Variants in KHDRBS3 observed in about 807,000 individuals in gnomAD.
KHDRBS3 encodes KH domain-containing, RNA-binding, signal transduction-associated protein 3.
KHDRBS3 carries 23 observed loss-of-function variants against 45.6 expected under a neutral mutation model. That is an observed-to-expected ratio of 0.50 (90% CI 0.36 to 0.72). The LOEUF (loss-of-function observed/expected upper bound fraction) is 0.72. Among genes scored for constraint, KHDRBS3 ranks in the 30% least tolerant of loss-of-function variants. The probability of loss-of-function intolerance (pLI) is 0.00; values close to 1 mark genes in which losing one functional copy is unlikely to be tolerated. For synonymous variants in KHDRBS3, 162 were observed against 156.5 expected (o/e 1.04, Z -0.26); for missense variants, 352 against 424.8 (o/e 0.83, Z 1.51).
At chr8:135,463,717 A>G (rs916296954) in intron 1 of KHDRBS3, among the ~76,000 whole-genome samples, 3 of 152,314 alleles carry the variant, frequency 2.0e-5, no homozygotes, top group African/African-American at 4.8e-5. Context: ...TCAGATGCCA[A>G]AGGGAAACTC....
Position 135,647,452 on chromosome 8 carries a change from A to G in KHDRBS3, c.*368A>G, listed in dbSNP as rs1193254963. The G allele has an allele frequency of 6.4e-6, 1 of 156,080 alleles. No individual in the cohort carries two copies. The highest frequency in any genetic ancestry group is 1.4e-5 in the Non-Finnish European group (1 of 70,496). The allele number at this position is 156,080 out of a possible 1,614,324, so 9.7% of individuals were successfully genotyped here. ...AATTTAGTTATTTTATCTTTCAGCC[A>G]TATGCTAGTTTTTTTTTCTCTTGCC... On this transcript the variant is annotated 3_prime_UTR_variant, in exon 9 of 9. Transcript: ENST00000355849.
At chr8:135,558,801 A>G (rs561175965) in intron 5 of KHDRBS3, among the ~76,000 whole-genome samples, 2 of 151,486 alleles carry the variant, frequency 1.3e-5, no homozygotes, top group African/African-American at 4.9e-5. Flanking sequence ...GCTGAAAATG[A>G]TAGAAATGTA....
chr8:135,505,942 A>AT (rs1823973292), intron 1 of KHDRBS3, among the ~76,000 whole-genome samples: 1 of 152,206 alleles, frequency 6.6e-6, no homozygotes, highest in African/African-American at 2.4e-5. Flanking sequence ...CACATTCCCG[A>AT]TTCGCAGAAC....
At chr8:135,650,364 C>T (rs904176534), downstream of KHDRBS3, among the ~76,000 whole-genome samples, 1 of 152,182 alleles carries the variant, frequency 6.6e-6, no homozygotes, top group Non-Finnish European at 1.5e-5. Context: ...CCTCCACCCT[C>T]TCTAAAGAGC....
chr8:135,625,236 G>A, intron 7 of KHDRBS3: 1 of 1,381,450 alleles, frequency 7.2e-7, no homozygotes, highest in Non-Finnish European at 1.0e-6. Flanking sequence ...ATGTCACAAA[G>A]CCTTCATCTG....
At chr8:135,626,708 G>T (rs978019817) in intron 7 of KHDRBS3, among the ~76,000 whole-genome samples, 1 of 150,948 alleles carries the variant, frequency 6.6e-6, no homozygotes, top group Non-Finnish European at 1.5e-5. Flanking sequence ...GGAGGCTGAG[G>T]CAGGAGAATG....
chr8:135,507,116 C>T (rs556815362), intron 1 of KHDRBS3, among the ~76,000 whole-genome samples: 3 of 152,214 alleles, frequency 2.0e-5, no homozygotes, highest in Non-Finnish European at 4.4e-5. Context: ...AGCTGGCAAC[C>T]GTAGTTCCTA....
intron 1 of KHDRBS3, among the ~76,000 whole-genome samples, chr8:135,461,250 G>T (rs1821415235): frequency 6.6e-6 from 1 of 152,144 alleles, no homozygotes; most frequent in Non-Finnish European, 1.5e-5. Flanking sequence ...GACTGCAGGT[G>T]TGCGCCACCA....
At chr8:135,607,727 TAAAAC>T in intron 7 of KHDRBS3, among the ~76,000 whole-genome samples, 1 of 152,162 alleles carries the variant, frequency 6.6e-6, no homozygotes, top group East Asian at 1.9e-4. Flanking sequence ...GATATACACA[TAAAAC>T]AAAATATTGG....
intron 7 of KHDRBS3, among the ~76,000 whole-genome samples, chr8:135,626,947 T>C (rs1181041138): frequency 1.3e-5 from 2 of 152,142 alleles, no homozygotes; most frequent in African/African-American, 4.8e-5. Context: ...TCTGCAACCT[T>C]TTAAGCAACT....
At chr8:135,515,259 G>A (rs1258600411) in intron 1 of KHDRBS3, among the ~76,000 whole-genome samples, 7 of 151,178 alleles carry the variant, frequency 4.6e-5, no homozygotes. Flanking sequence ...CCAGCTACTG[G>A]GGAGGCTGAG....
At chr8:135,563,132 T>G (rs1827244856) in intron 5 of KHDRBS3, among the ~76,000 whole-genome samples, 1 of 152,184 alleles carries the variant, frequency 6.6e-6, no homozygotes, top group African/African-American at 2.4e-5. Flanking sequence ...CTTAAAATCC[T>G]TCAGTGGCTC....
intron 1 of KHDRBS3, among the ~76,000 whole-genome samples, chr8:135,494,150 G>A (rs1227973665): frequency 6.6e-6 from 1 of 151,556 alleles, no homozygotes; most frequent in South Asian, 2.1e-4. Flanking sequence ...TCTGGCCAGA[G>A]GCTTATGAAT....
At chr8:135,639,176 G>T (rs562291065) in intron 7 of KHDRBS3, among the ~76,000 whole-genome samples, 128 of 152,300 alleles carry the variant, frequency 8.4e-4, no homozygotes, top group African/African-American at 2.4e-3. Flanking sequence ...GATAAGGGAT[G>T]AAAAGTTTAA....
chr8:135,557,546 C>T lies in KHDRBS3; in HGVS notation c.570C>T (p.Pro190=). The T allele has an allele frequency of 1.2e-6, 2 of 1,613,028 alleles. No individual in the cohort carries two copies. Among genetic ancestry groups the T allele is most frequent in the Non-Finnish European group, 8.5e-7 (1 of 1,179,010 alleles). ...ATGTTCCAGTGGTTCGAGGGAAACC[C>T]ACCTTGCGTACAAGAGGTGTACCAG... ...NADVPVVRGK[P]TLRTRGVPAP... The change falls in exon 5 of 9, where the codon CCC becomes CCT. Residue 190 remains proline, a synonymous_variant. Transcript: ENST00000355849.
chr8:135,618,474 T>C (rs891378543), intron 7 of KHDRBS3, among the ~76,000 whole-genome samples: 2 of 152,230 alleles, frequency 1.3e-5, no homozygotes, highest in African/African-American at 4.8e-5. Context: ...ATGGTTTACA[T>C]ACTAATAAGT....
intron 6 of KHDRBS3, among the ~76,000 whole-genome samples, chr8:135,588,882 T>C (rs767512006): frequency 1.3e-5 from 2 of 152,176 alleles, no homozygotes; most frequent in Non-Finnish European, 2.9e-5. Context: ...AGCTGTGATA[T>C]AGACCAACAC....
intron 6 of KHDRBS3, among the ~76,000 whole-genome samples, chr8:135,599,604 T>C (rs371115102): frequency 5.3e-5 from 8 of 152,244 alleles, no homozygotes; most frequent in African/African-American, 1.9e-4. Flanking sequence ...TCAACAAACA[T>C]GACCACATGC....
intron 5 of KHDRBS3, among the ~76,000 whole-genome samples, chr8:135,559,815 C>A (rs1827081592): frequency 6.6e-6 from 1 of 152,120 alleles, no homozygotes; most frequent in South Asian, 2.1e-4. Flanking sequence ...AGACAGCAAA[C>A]CTCCCAATCA....
Sources: gnomAD v4.1 joint callset for allele counts (sites outside exome capture counted in the v4.1 genomes callset) on GRCh38, gnomAD v4.1.1 for gene constraint, MANE v1.5 for transcripts, NCBI Gene and HGNC (gene_info 2026-07-23, HGNC 2026-07-21) for gene names.